Variants in COPB1 observed in about 807,000 individuals in gnomAD.
COPB1 encodes coat protein complex I subunit beta 1, also known as coatomer subunit beta.
In COPB1, 21 loss-of-function variants were observed where a neutral mutation model predicts 108.7. The observed-to-expected ratio is 0.19, with a 90% CI of 0.14 to 0.28. The LOEUF is 0.28. COPB1 is among the 10% of genes least tolerant of loss of function. The pLI, the probability that COPB1 is intolerant of heterozygous loss-of-function variation, is 1.00. For synonymous variants in COPB1, 378 were observed against 386.8 expected (o/e 0.98, Z 0.27); for missense variants, 919 against 1,141.3 (o/e 0.81, Z 2.81).
intron 20 of COPB1, among the ~76,000 whole-genome samples, chr11:14,459,583 T>C (rs781046741): frequency 6.6e-6 from 1 of 152,202 alleles, no homozygotes; most frequent in African/African-American, 2.4e-5. Context: ...GAAGAGCTCA[T>C]GGACATTTTC....
chr11:14,465,069 ACAC>A, intron 17 of COPB1, 39 bp from the exon 18 acceptor site: 1 of 529,776 alleles, frequency 1.9e-6, no homozygotes, highest in Middle Eastern at 6.7e-4. Context: ...AAATACACAC[ACAC>A]ACACACACAC....
intron 18 of COPB1, among the ~76,000 whole-genome samples, chr11:14,464,515 C>T (rs988204235): frequency 3.9e-5 from 6 of 152,160 alleles, no homozygotes; most frequent in Admixed American, 2.0e-4. Flanking sequence ...TCTGAGATAC[C>T]CTTGTGCACC....
intron 16 of COPB1, among the ~76,000 whole-genome samples, chr11:14,467,339 T>C (rs1177991503): frequency 6.6e-6 from 1 of 152,036 alleles, no homozygotes; most frequent in Non-Finnish European, 1.5e-5. Flanking sequence ...CACAATGAGA[T>C]ACCACTTCAC....
At chr11:14,476,463 A>G (rs948317720) in intron 12 of COPB1, among the ~76,000 whole-genome samples, 2 of 152,230 alleles carry the variant, frequency 1.3e-5, no homozygotes, top group African/African-American at 2.4e-5. Context: ...ATATAAGAGC[A>G]CTAAGAGTAT....
chr11:14,461,453 T>C (rs866338821), intron 18 of COPB1, 122 bp from the exon 19 acceptor site: 10 of 970,440 alleles, frequency 1.0e-5, no homozygotes, highest in South Asian at 1.7e-5. Context: ...ATAATACTTA[T>C]TATGTACAGA....
rs769244303 is a variant in COPB1 at position 14,480,994 on chromosome 11, T to C, written c.1061A>G (p.Glu354Gly). 39 of 1,613,736 alleles carry C rather than the reference T, an allele frequency of 2.4e-5. No homozygotes were observed. The highest frequency in any genetic ancestry group is 3.1e-5 in the Non-Finnish European group (36 of 1,179,856). ...GCTGTCAGAGTTTCCTTTTACCTCT[T>C]CAACATTTCTAGAAGAGACAAGATC... is the stretch of plus-strand genomic sequence containing the variant. The part of the protein sequence containing the change: ...ALDLVSSRNV[E>G]ELVIVLKKEV... The change falls in exon 9 of 22, where the codon GAA (glutamate) becomes GGA (glycine). Residue 354 changes from glutamate (E) to glycine (G), a missense_variant. By Grantham distance (98) the Glu-to-Gly change is moderately conservative. This residue lies in a region of COPB1 where 705 missense variants were observed against 817.8 expected (regional missense o/e 0.86). Transcript: ENST00000439561.
At chr11:14,480,622 G>T in intron 10 of COPB1, 137 bp downstream of exon 10, 1 of 757,614 alleles carries the variant, frequency 1.3e-6, no homozygotes, top group Non-Finnish European at 2.0e-6. Flanking sequence ...AAAGGTAGAG[G>T]TAGATATAAA....
At chr11:14,460,787 A>G (rs1850128247) in intron 19 of COPB1, among the ~76,000 whole-genome samples, 1 of 152,172 alleles carries the variant, frequency 6.6e-6, no homozygotes, top group Non-Finnish European at 1.5e-5. Flanking sequence ...TACAGGCACG[A>G]GCTACCGTGC....
At chr11:14,474,465 G>A (rs1850473494) in intron 14 of COPB1, 30 bp downstream of exon 14, 1 of 1,603,434 alleles carries the variant, frequency 6.2e-7, no homozygotes, top group Non-Finnish European at 8.5e-7. Flanking sequence ...ATGTTTAATT[G>A]TTGGTTAAAT....
rs539812940 is a variant in COPB1, at chr11:14,484,620, A to C, written c.838-1469T>G. Among the ~76,000 whole-genome samples the C allele has an allele frequency of 5.9e-5, 9 of 152,290 alleles. No homozygotes were observed. The South Asian group carries it at 1.9e-3, about 32-fold the overall frequency. On this transcript the variant is annotated intron_variant, in intron 7 of 21. Coordinates refer to ENST00000439561, the MANE Select transcript of COPB1 (RefSeq NM_001144061.2). ...GTAGTCCCAGCTACTCAGGAGGCTG[A>C]GGCAGGAGAATCACTTGAATCTGGG...
Position 14,464,897 on chromosome 11 carries a change from A to G in COPB1, c.2410+14T>C, listed in dbSNP as rs769111795. The G allele has an allele frequency of 2.9e-5, 46 of 1,610,110 alleles. No individual in the cohort carries two copies. In the Admixed American group the frequency reaches 7.7e-4, roughly 27 times the overall value. On this transcript the variant is annotated intron_variant, in intron 18 of 21. Coordinates refer to ENST00000439561, the MANE Select transcript of COPB1 (RefSeq NM_001144061.2). The stretch of plus-strand genomic sequence containing the variant: ...AAGTATTCAAACATTACATGCCATA[A>G]AACAGCACCTTACCTATATTACCAA...
chr11:14,490,958 T>C (rs546322635), intron 4 of COPB1, among the ~76,000 whole-genome samples: 19 of 151,902 alleles, frequency 1.3e-4, no homozygotes, highest in African/African-American at 4.1e-4. Context: ...CCCAGCTAAT[T>C]TTTTGTATTT....
intron 5 of COPB1, among the ~76,000 whole-genome samples, chr11:14,490,084 C>T (rs1261152703): frequency 6.6e-6 from 1 of 152,076 alleles, no homozygotes; most frequent in African/African-American, 2.4e-5. Context: ...AGAGTAATTG[C>T]TAACCAAAAG....
chr11:14,470,801 C>T (rs1211352522), intron 14 of COPB1, among the ~76,000 whole-genome samples: 1 of 151,948 alleles, frequency 6.6e-6, no homozygotes, highest in East Asian at 1.9e-4. Flanking sequence ...CAATGAACCA[C>T]AAGTACAGCA....
intron 4 of COPB1, among the ~76,000 whole-genome samples, chr11:14,492,646 C>T (rs913174872): frequency 6.6e-6 from 1 of 151,834 alleles, no homozygotes; most frequent in Non-Finnish European, 1.5e-5. Flanking sequence ...CCTGGCTCAT[C>T]TACATTATTA....
chr11:14,484,695 GCGACGGAGTGAGACTCCGTCTCA>G (rs1318503210), intron 7 of COPB1, among the ~76,000 whole-genome samples: 2 of 152,158 alleles, frequency 1.3e-5, no homozygotes, highest in Non-Finnish European at 2.9e-5. Flanking sequence ...TCCAACCTGA[GCGACGGAGTGAGACTCCGTCTCA>G]AAAAACAAAA....
chr11:14,493,962 T>C, intron 3 of COPB1, 151 bp from the exon 4 acceptor site: 1 of 744,804 alleles, frequency 1.3e-6, no homozygotes, highest in South Asian at 2.1e-5. Flanking sequence ...ACTGAAGCAA[T>C]TTTTACCTAT....
chr11:14,495,824 C>A (rs1291379065), intron 2 of COPB1, among the ~76,000 whole-genome samples: 1 of 152,104 alleles, frequency 6.6e-6, no homozygotes, highest in Non-Finnish European at 1.5e-5. Context: ...CCTTAGGTAT[C>A]CTGAGGATCT....
intron 5 of COPB1, among the ~76,000 whole-genome samples, chr11:14,489,940 A>T (rs541235492): frequency 6.6e-6 from 1 of 152,322 alleles, no homozygotes; most frequent in African/African-American, 2.4e-5. Context: ...ATCTGGGGGA[A>T]AAAAGTCACA....
Sources: gnomAD v4.1 joint callset for allele counts (sites outside exome capture counted in the v4.1 genomes callset) on GRCh38, gnomAD v4.1.1 for gene constraint, gnomAD v4.1.1 regional missense constraint, MANE v1.5 for transcripts, NCBI Gene and HGNC (gene_info 2026-07-23, HGNC 2026-07-21) for gene names.